Variants in CSMD1 observed in about 807,000 individuals in gnomAD.
CSMD1 encodes the protein CUB and Sushi multiple domains 1, also known as CUB and sushi domain-containing protein 1.
CSMD1 carries 213 observed loss-of-function variants against 417.5 expected under a neutral mutation model. That is an observed-to-expected ratio of 0.51 (90% CI 0.46 to 0.57). CSMD1 has a LOEUF of 0.57. CSMD1 is among the 20% of genes least tolerant of loss of function. CSMD1 has a pLI of 0.00. For missense variants in CSMD1, 6,923 were observed against 4,529.7 expected (o/e 1.53, Z -15.17); for synonymous variants, 2,862 against 1,736.8 (o/e 1.65, Z -16.11).
intron 2 of CSMD1, among the ~76,000 whole-genome samples, chr8:4,496,939 G>A (rs903378179): frequency 6.6e-6 from 1 of 152,130 alleles, no homozygotes; most frequent in Non-Finnish European, 1.5e-5. Context: ...CACAGAGGCT[G>A]GAGGAAGCAA....
At chr8:3,592,771 T>A (rs1222944565) in intron 8 of CSMD1, among the ~76,000 whole-genome samples, 1 of 152,144 alleles carries the variant, frequency 6.6e-6, no homozygotes. Context: ...AGGACTTTTG[T>A]CCTAGCACAG....
intron 3 of CSMD1, 96 bp downstream of exon 3, chr8:4,419,857 G>A (rs1585046400): frequency 1.6e-5 from 14 of 851,000 alleles, no homozygotes; most frequent in South Asian, 6.0e-5. Context: ...AACGACCTGC[G>A]ACATAGCAGC....
intron 5 of CSMD1, among the ~76,000 whole-genome samples, chr8:3,971,489 A>T (rs17068293): frequency 0.04 from 6,093 of 152,346 alleles, 157 homozygotes; most frequent in African/African-American, 0.072. Flanking sequence ...TAAAAAATCT[A>T]TGTGATAAAT....
intron 21 of CSMD1, among the ~76,000 whole-genome samples, chr8:3,348,902 G>A (rs1808197399): frequency 6.6e-6 from 1 of 152,196 alleles, no homozygotes; most frequent in Non-Finnish European, 1.5e-5. Context: ...CACAGTGAAA[G>A]TGAACAGTTT....
intron 6 of CSMD1, among the ~76,000 whole-genome samples, chr8:3,734,336 C>T (rs1261125241): frequency 1.3e-5 from 2 of 152,178 alleles, no homozygotes; most frequent in African/African-American, 4.8e-5. Flanking sequence ...AGCCAAGAGA[C>T]TGATGAGGGC....
At chr8:3,676,224 A>C (rs1799367961) in intron 7 of CSMD1, among the ~76,000 whole-genome samples, 1 of 152,202 alleles carries the variant, frequency 6.6e-6, no homozygotes, top group Non-Finnish European at 1.5e-5. Context: ...TGAAGTAAAT[A>C]CTAACCTTGG....
At chr8:4,373,235 G>A (rs1802507582) in intron 3 of CSMD1, among the ~76,000 whole-genome samples, 1 of 152,148 alleles carries the variant, frequency 6.6e-6, no homozygotes, top group African/African-American at 2.4e-5. Context: ...AACTACCCCA[G>A]CCAAGAGGAG....
intron 5 of CSMD1, among the ~76,000 whole-genome samples, chr8:3,969,096 C>G (rs1334917192): frequency 6.6e-6 from 1 of 152,038 alleles, no homozygotes; most frequent in Non-Finnish European, 1.5e-5. Context: ...ACTAAAAATA[C>G]AAAAATTAGC....
chr8:4,772,280 T>C (rs895554644), intron 1 of CSMD1, among the ~76,000 whole-genome samples: 4 of 152,178 alleles, frequency 2.6e-5, no homozygotes, highest in Non-Finnish European at 5.9e-5. Flanking sequence ...AGTGAACCAG[T>C]CCTTTACACG....
At chr8:3,550,180 C>T (rs1046756970) in intron 10 of CSMD1, among the ~76,000 whole-genome samples, 5 of 152,146 alleles carry the variant, frequency 3.3e-5, no homozygotes, top group Admixed American at 1.3e-4. Context: ...CTTTTGATCC[C>T]GATTCTCCCA....
At chr8:3,585,057 G>T (rs1447424274) in intron 9 of CSMD1, among the ~76,000 whole-genome samples, 2 of 152,118 alleles carry the variant, frequency 1.3e-5, no homozygotes, top group African/African-American at 2.4e-5. Flanking sequence ...CTATCAGCTG[G>T]GCCATACACC....
intron 39 of CSMD1, among the ~76,000 whole-genome samples, chr8:3,157,663 C>G (rs1212855102): frequency 4.6e-5 from 7 of 152,236 alleles, no homozygotes; most frequent in Non-Finnish European, 1.0e-4. Flanking sequence ...GCAGTCTTGC[C>G]TCTGGTCTGT....
At chr8:4,469,955 C>T (rs1207629535) in intron 2 of CSMD1, among the ~76,000 whole-genome samples, 1 of 150,766 alleles carries the variant, frequency 6.6e-6, no homozygotes, top group Non-Finnish European at 1.5e-5. Context: ...GCAAGCTCCA[C>T]CTCCTGGATT....
intron 3 of CSMD1, among the ~76,000 whole-genome samples, chr8:4,387,053 A>G (rs546152852): frequency 6.6e-6 from 1 of 152,346 alleles, no homozygotes; most frequent in South Asian, 2.1e-4. Context: ...TCCAGATTAA[A>G]AAACATAAAA....
At chr8:3,755,953 C>A (rs1157127402) in intron 5 of CSMD1, among the ~76,000 whole-genome samples, 1 of 152,006 alleles carries the variant, frequency 6.6e-6, no homozygotes. Context: ...GTTACAAATT[C>A]TATAGGCCAC....
At chr8:2,943,704 A>C (rs546868031) in intron 68 of CSMD1, among the ~76,000 whole-genome samples, 17 of 152,310 alleles carry the variant, frequency 1.1e-4, no homozygotes, top group East Asian at 3.9e-4. Context: ...GGAGGAAGTA[A>C]GTTTTTGAAG....
chr8:4,212,797 A>G (rs972528978), intron 3 of CSMD1, among the ~76,000 whole-genome samples: 17 of 111,162 alleles, frequency 1.5e-4, no homozygotes, highest in Non-Finnish European at 2.9e-4. Flanking sequence ...GAACAATCTC[A>G]TTGCTTTTAC....
chr8:3,444,890 A>G (rs1268951505), intron 12 of CSMD1, among the ~76,000 whole-genome samples: 1 of 152,192 alleles, frequency 6.6e-6, no homozygotes, highest in South Asian at 2.1e-4. Context: ...GCATTTAGTC[A>G]ATAAACACAG....
At chr8:4,929,493 G>A (rs1172077249) in intron 1 of CSMD1, among the ~76,000 whole-genome samples, 1 of 152,142 alleles carries the variant, frequency 6.6e-6, no homozygotes, top group African/African-American at 2.4e-5. Flanking sequence ...TGAGATGCTG[G>A]ATATTTCAGG....
Sources: allele counts gnomAD v4.1 joint callset (sites outside exome capture counted in the v4.1 genomes callset), GRCh38; gene constraint gnomAD v4.1.1; transcripts MANE v1.5; gene names NCBI Gene and HGNC (gene_info 2026-07-23, HGNC 2026-07-21).